MLKL: variants seen among roughly 807,000 people sequenced by gnomAD.
MLKL encodes mixed lineage kinase domain-like protein.
A neutral mutation model predicts 56.5 loss-of-function variants in MLKL; 55 were observed. The ratio of observed to expected loss-of-function variants is 0.97; its 90% CI spans 0.78 to 1.22. MLKL has a LOEUF of 1.22. MLKL is among the 50% of genes most tolerant of loss of function. The pLI is 0.00. For missense variants in MLKL, 694 were observed against 573.9 expected (o/e 1.21, Z -2.14); for synonymous variants, 251 against 208.3 (o/e 1.20, Z -1.76).
chr16:74,695,408 T>C lies in MLKL; in HGVS notation c.350A>G (p.Gln117Arg). Residue 117 changes from glutamine to arginine, a missense_variant, in exon 2 of 11, where the codon CAG (glutamine) becomes CGG (arginine). Gln to Arg is a conservative substitution (Grantham distance 43). Coordinates refer to ENST00000308807, the MANE Select transcript of MLKL (RefSeq NM_152649.4). ...TGAAACAGGCATGCGTTGCTCAACC[T>C]GAAGTAACAGCGAGAGCTCCTTCCA... ...DVWKELSLLL[Q>R]VEQRMPVSPI... The C allele has an allele frequency of 1.9e-6, 3 of 1,614,232 alleles. 1 individual carries two copies. Among genetic ancestry groups the C allele is most frequent in the East Asian group, 2.2e-5 (1 of 44,882 alleles).
rs1959262592 is a variant in MLKL, at chr16:74,672,094, A to T, written c.*410T>A. ...CTGGGTAAGGTTCCAACAGACATTT[A>T]TAAGGCCTCTTGAAACCTAGGCTTG... On this transcript the variant is annotated 3_prime_UTR_variant, in exon 11 of 11. Coordinates refer to ENST00000308807, the MANE Select transcript of MLKL (RefSeq NM_152649.4). 1 of 161,644 alleles carries T rather than the reference A, an allele frequency of 6.2e-6. No homozygotes were observed. The highest frequency in any genetic ancestry group is 2.4e-5 in the African/African-American group (1 of 41,672). 10.0% of individuals were successfully genotyped at this position (161,644 alleles called of 1,614,324 possible). A position where few individuals can be genotyped will look rare whatever the true frequency, so the allele number is the denominator to read the frequency against.
rs774257699 is a variant in MLKL at position 74,672,461 on chromosome 16, C to T, written c.*43G>A. 6.3e-7 allele frequency: 1 copy of T among 1,589,312 alleles called. No homozygotes were observed. ...GAGAGATGTCCAGTTTGTGCCTCTC[C>T]CAGCTTCTTGTCCAGAGACTCCTTG... On this transcript the variant is annotated 3_prime_UTR_variant, in exon 11 of 11. Coordinates refer to ENST00000308807, the MANE Select transcript of MLKL (RefSeq NM_152649.4).
rs143117897 is a variant in MLKL, at chr16:74,680,609, C to T, written c.957-1629G>A. 2.7e-3 allele frequency among the ~76,000 whole-genome samples: 408 copies of T among 152,116 alleles called. 2 individuals are homozygous for T. Among genetic ancestry groups the T allele is most frequent in the African/African-American group, 9.5e-3 (393 of 41,508 alleles). Reference sequence around the variant, plus strand: ...GCAACCTCTGCCTCCCAGGTTCAAGCGATTCTCCTGCCTCAGCCTTACGAG... The same window carrying T: ...GCAACCTCTGCCTCCCAGGTTCAAGTGATTCTCCTGCCTCAGCCTTACGAG... On this transcript the variant is annotated intron_variant, in intron 6 of 10. Transcript: ENST00000308807.
chr16:74,679,041 A>C, intron 6 of MLKL, 61 bp from the exon 7 acceptor site: 1 of 1,337,866 alleles, frequency 7.5e-7, no homozygotes, highest in South Asian at 1.2e-5. Context: ...TGGGGGACTG[A>C]CAATCATAAC....
At chr16:74,675,546 G>A in intron 8 of MLKL, 67 bp downstream of exon 8, 1 of 1,578,516 alleles carries the variant, frequency 6.3e-7, no homozygotes, top group Non-Finnish European at 8.6e-7. Context: ...GGTCCTTGGA[G>A]GAGTTTGATT....
intron 1 of MLKL, among the ~76,000 whole-genome samples, chr16:74,696,921 C>CATATATATAGTAATATATATAAT (rs1567622157): frequency 2.9e-4 from 42 of 144,606 alleles, no homozygotes; most frequent in South Asian, 1.5e-3. Flanking sequence ...AAATGTAATA[C>CATATATATAGTAATATATATAAT]ATTACATATA....
intron 5 of MLKL, among the ~76,000 whole-genome samples, chr16:74,685,040 T>A (rs1164309540): frequency 6.6e-6 from 1 of 151,954 alleles, no homozygotes; most frequent in Non-Finnish European, 1.5e-5. Flanking sequence ...AATTTTTGTA[T>A]TTTAGTAGAG....
At position 74,694,699 on chromosome 16, in the gene MLKL, C is replaced by T. The variant is rs542578307; in HGVS notation, c.460+599G>A. Among the ~76,000 whole-genome samples, 18 of 152,248 alleles carry T rather than the reference C, an allele frequency of 1.2e-4. No individual in the cohort carries two copies. In the South Asian group the frequency reaches 3.1e-3, roughly 26 times the overall value. On this transcript the variant is annotated intron_variant, in intron 2 of 10. Coordinates refer to ENST00000308807, the MANE Select transcript of MLKL (RefSeq NM_152649.4). ...GTGGGAGGATCACTTGAACCTGAGG[C>T]TGCAGTGAGCTATGATTGTGCCGCC...
intron 2 of MLKL, among the ~76,000 whole-genome samples, chr16:74,693,864 A>T (rs1033444806): frequency 4.6e-5 from 7 of 152,058 alleles, no homozygotes; most frequent in Non-Finnish European, 7.4e-5. Flanking sequence ...CGGCCTCCCA[A>T]AGTGCTGGGA....
At chr16:74,698,486 A>C (rs1391441978) in intron 1 of MLKL, among the ~76,000 whole-genome samples, 1 of 152,200 alleles carries the variant, frequency 6.6e-6, no homozygotes, top group Non-Finnish European at 1.5e-5. Flanking sequence ...AACAGTTATT[A>C]GGGCACTCCT....
intron 4 of MLKL, among the ~76,000 whole-genome samples, chr16:74,686,193 C>T (rs554578862): frequency 5.3e-5 from 8 of 152,218 alleles, no homozygotes; most frequent in African/African-American, 1.9e-4. Flanking sequence ...AACTCCTGGC[C>T]TCAAGTGATT....
At chr16:74,688,432 G>C (rs889820458) in intron 4 of MLKL, among the ~76,000 whole-genome samples, 9 of 152,084 alleles carry the variant, frequency 5.9e-5, no homozygotes, top group Non-Finnish European at 1.3e-4. Context: ...AACACAGGAG[G>C]GCCAGGTGCA....
At chr16:74,672,765 G>A (rs1447289567) in intron 10 of MLKL, among the ~76,000 whole-genome samples, 1 of 152,194 alleles carries the variant, frequency 6.6e-6, no homozygotes, top group Non-Finnish European at 1.5e-5. Flanking sequence ...TCACATCTTA[G>A]TATGAATTAC....
chr16:74,687,502 A>AG (rs1185797019), intron 4 of MLKL, among the ~76,000 whole-genome samples: 1 of 152,222 alleles, frequency 6.6e-6, no homozygotes, highest in Non-Finnish European at 1.5e-5. Context: ...TAGCCAAGAC[A>AG]GTCTTGCAAA....
At chr16:74,685,329 C>A (rs1296229676) in intron 5 of MLKL, among the ~76,000 whole-genome samples, 157 bp downstream of exon 5, 7 of 151,764 alleles carry the variant, frequency 4.6e-5, no homozygotes, top group Non-Finnish European at 1.0e-4. Context: ...TGAGAACATG[C>A]ATCTTGGGAT....
In MLKL at chr16:74,675,697, T is replaced by C. The variant is rs780725407; in HGVS notation, c.1106A>G (p.Asp369Gly). 6.2e-7 allele frequency: 1 copy of C among 1,613,220 alleles called. No individual in the cohort carries two copies. Among genetic ancestry groups the C allele is most frequent in the Non-Finnish European group, 8.5e-7 (1 of 1,179,228 alleles). Residue 369 changes from aspartate to glycine, a missense_variant, in exon 8 of 11, where the codon GAC becomes GGC. Transcript: ENST00000308807. ...MSLGTTREKT[D>G]RVKSTAYLSP... ...GAGATATGCTGTAGATTTGACTCTGTCTGTCTTTTCTCTCGTAGTTCCCAA... is the reference window on the plus strand; with the variant it reads ...GAGATATGCTGTAGATTTGACTCTGCCTGTCTTTTCTCTCGTAGTTCCCAA...
rs1285655382 is a variant in MLKL, at chr16:74,672,503, A to G, written c.*1T>C. 2 of 1,613,444 alleles carry G rather than the reference A, an allele frequency of 1.2e-6. No homozygotes were observed. The highest frequency in any genetic ancestry group is 2.2e-5 in the East Asian group (1 of 44,892). The stretch of plus-strand genomic sequence containing the variant: ...GACTCCTTGGTTTAGATTTTGATAC[A>G]CTACTTAGAAAAGGTGGAGAGTTTC... On this transcript the variant is annotated 3_prime_UTR_variant, in exon 11 of 11. Coordinates refer to ENST00000308807, the MANE Select transcript of MLKL (RefSeq NM_152649.4).
chr16:74,691,715 C>T lies in MLKL; in HGVS notation c.536-252G>A, dbSNP rs955097417. Reference sequence around the variant, plus strand: ...TCCTTTCCCTCCTCTTCAAATCCCGCCTGTCCCTCCAGCCTTAACCCTCAT... The same window carrying T: ...TCCTTTCCCTCCTCTTCAAATCCCGTCTGTCCCTCCAGCCTTAACCCTCAT... On this transcript the variant is annotated intron_variant, in intron 3 of 10. Coordinates refer to ENST00000308807, the MANE Select transcript of MLKL (RefSeq NM_152649.4). Among the ~76,000 whole-genome samples, 11 of 152,326 alleles carry T rather than the reference C, an allele frequency of 7.2e-5. No individual in the cohort carries two copies. The East Asian group carries it at 2.1e-3, about 29-fold the overall frequency.
In MLKL at chr16:74,675,598, A is replaced by G. The variant is rs1332148300; in HGVS notation, c.1190+15T>C. The G allele has an allele frequency of 1.2e-6, 2 of 1,609,430 alleles. No homozygotes were observed. The highest frequency in any genetic ancestry group is 8.5e-7 in the Non-Finnish European group (1 of 1,178,238). The stretch of plus-strand genomic sequence containing the variant: ...GCACATCTGAGTTAGAATCTGTACC[A>G]GAACGTGAGTGTACCTGTATATTTC... On this transcript the variant is annotated intron_variant, in intron 8 of 10. Transcript: ENST00000308807.
Sources: allele counts gnomAD v4.1 joint callset (sites outside exome capture counted in the v4.1 genomes callset), GRCh38; gene constraint gnomAD v4.1.1; transcripts MANE v1.5; gene names NCBI Gene and HGNC (gene_info 2026-07-23, HGNC 2026-07-21).